MDGA2: variants seen among roughly 807,000 people sequenced by gnomAD.
The protein encoded by MDGA2 is MAM domain containing glycosylphosphatidylinositol anchor 2.
MDGA2 carries 40 observed loss-of-function variants against 117.8 expected under a neutral mutation model. The ratio of observed to expected loss-of-function variants is 0.34; its 90% CI spans 0.26 to 0.44. The LOEUF (loss-of-function observed/expected upper bound fraction) is 0.44. Among genes scored for constraint, MDGA2 ranks in the 20% least tolerant of loss-of-function variants. The pLI is 1.00. For missense variants in MDGA2, 1,123 were observed against 1,250.6 expected, an observed-to-expected ratio of 0.90 and a Z score of 1.54; for synonymous variants, 452 against 439.0, an observed-to-expected ratio of 1.03 and a Z score of -0.37.
Position 47,162,304 on chromosome 14 carries a change from A to G in MDGA2, c.596-18030T>C, listed in dbSNP as rs148000700. 1.7e-4 allele frequency among the ~76,000 whole-genome samples: 26 copies of G among 152,102 alleles called. No homozygotes were observed. In the East Asian group the frequency reaches 2.5e-3, roughly 15 times the overall value. ...TTTTTCCTTCAATCTTTTCTACAGT[A>G]TATATCTTAGACTGTATAATATAAA... On this transcript the variant is annotated intron_variant, in intron 3 of 16. Transcript: ENST00000399232.
intron 3 of MDGA2, among the ~76,000 whole-genome samples, chr14:47,206,081 C>T (rs1885672276): frequency 6.6e-6 from 1 of 151,996 alleles, no homozygotes; most frequent in African/African-American, 2.4e-5. Context: ...AAGAAGATAG[C>T]TAATTTGTAA....
At chr14:47,405,132 G>A (rs376866129) in intron 1 of MDGA2, among the ~76,000 whole-genome samples, 24 of 152,252 alleles carry the variant, frequency 1.6e-4, no homozygotes, top group Middle Eastern at 3.4e-3. Context: ...TTATGCTTAT[G>A]TAAAAATGAT....
chr14:47,268,366 C>T (rs952404009), intron 2 of MDGA2, among the ~76,000 whole-genome samples: 5 of 152,156 alleles, frequency 3.3e-5, no homozygotes, highest in East Asian at 1.9e-4. Context: ...TGAGCCAGTG[C>T]GCCAGGCCCT....
At chr14:47,312,664 C>T (rs571198373) in intron 1 of MDGA2, among the ~76,000 whole-genome samples, 1 of 149,068 alleles carries the variant, frequency 6.7e-6, no homozygotes, top group East Asian at 2.0e-4. Context: ...CCACCATGCC[C>T]AGCTAGTTTT....
chr14:47,390,189 C>A (rs1226454568), intron 1 of MDGA2, among the ~76,000 whole-genome samples: 2 of 152,200 alleles, frequency 1.3e-5, no homozygotes, highest in African/African-American at 4.8e-5. Flanking sequence ...AATAAACTTT[C>A]TCTGTCCTTT....
intron 1 of MDGA2, among the ~76,000 whole-genome samples, chr14:47,547,360 C>T (rs1159715032): frequency 1.3e-5 from 2 of 152,174 alleles, no homozygotes; most frequent in Non-Finnish European, 1.5e-5. Flanking sequence ...ATCCTTGCAC[C>T]TCTATTTTGT....
intron 1 of MDGA2, among the ~76,000 whole-genome samples, chr14:47,590,486 G>A (rs571854786): frequency 6.6e-6 from 1 of 151,680 alleles, no homozygotes; most frequent in South Asian, 2.1e-4. Flanking sequence ...TGAATACTAG[G>A]TACAATTTTT....
At chr14:47,640,732 C>T (rs1897407532) in intron 1 of MDGA2, among the ~76,000 whole-genome samples, 6 of 152,134 alleles carry the variant, frequency 3.9e-5, no homozygotes, top group Admixed American at 3.9e-4. Flanking sequence ...GCTTATCCCT[C>T]TGCACAAAAT....
chr14:47,058,597 C>T lies in MDGA2; in HGVS notation c.1525+2652G>A, dbSNP rs569359294. On this transcript the variant is annotated intron_variant, in intron 7 of 16. Coordinates refer to ENST00000399232, the MANE Select transcript of MDGA2 (RefSeq NM_001113498.3). The stretch of plus-strand genomic sequence containing the variant: ...GAATACACCTATTTTCATATTAAAG[C>T]ACTTTAGTCTTCAATAGTATTGGGA... 16 of 984,802 alleles carry T rather than the reference C, an allele frequency of 1.6e-5. No homozygotes were observed. The East Asian group carries it at 1.7e-3, about 105-fold the overall frequency. The allele number at this position is 984,802 out of a possible 1,614,324, so 61.0% of individuals were successfully genotyped here.
At chr14:47,300,165 G>C (rs181403832) in intron 2 of MDGA2, among the ~76,000 whole-genome samples, 1 of 152,278 alleles carries the variant, frequency 6.6e-6, no homozygotes, top group East Asian at 1.9e-4. Flanking sequence ...AAAATGGTGA[G>C]TTCATAAAAT....
rs137953865 is a variant in MDGA2, at chr14:47,382,513, A to T, written c.281-80963T>A. Among the ~76,000 whole-genome samples, 8 of 152,320 alleles carry T rather than the reference A, an allele frequency of 5.3e-5. No homozygotes were observed. The East Asian group carries it at 1.5e-3, about 29-fold the overall frequency. On this transcript the variant is annotated intron_variant, in intron 1 of 16. Coordinates refer to ENST00000399232, the MANE Select transcript of MDGA2 (RefSeq NM_001113498.3). ...TGACTTAAACAAATTCATAAGAAAA[A>T]ATCAAACAAACCCATCAAAAAGTGG...
At chr14:46,869,628 T>C (rs1881920060) in intron 14 of MDGA2, among the ~76,000 whole-genome samples, 1 of 151,938 alleles carries the variant, frequency 6.6e-6, no homozygotes, top group South Asian at 2.1e-4. Flanking sequence ...GGTCCTAGCA[T>C]GAACACTCTT....
At chr14:47,157,180 T>C (rs962288315) in intron 3 of MDGA2, among the ~76,000 whole-genome samples, 4 of 152,220 alleles carry the variant, frequency 2.6e-5, no homozygotes, top group African/African-American at 4.8e-5. Flanking sequence ...CTTTCCTACA[T>C]AGCAATTTTT....
intron 4 of MDGA2, among the ~76,000 whole-genome samples, chr14:47,132,763 ATAG>A (rs1399083254): frequency 6.6e-6 from 1 of 151,948 alleles, no homozygotes; most frequent in East Asian, 1.9e-4. Flanking sequence ...CAATGATTTT[ATAG>A]TATTAGGGAT....
intron 14 of MDGA2, chr14:46,871,144 ATTATGCGATTTG>A (rs1405386106): frequency 7.7e-6 from 1 of 129,194 alleles, no homozygotes; most frequent in Non-Finnish European, 1.6e-5. Context: ...TGGCTTGGCA[ATTATGCGATTTG>A]TTTCCTTTCA....
At position 46,971,071 on chromosome 14, in the gene MDGA2, A is replaced by G. The variant is rs142963796; in HGVS notation, c.1820-13428T>C. On this transcript the variant is annotated intron_variant, in intron 8 of 16. Coordinates refer to ENST00000399232, the MANE Select transcript of MDGA2 (RefSeq NM_001113498.3). The stretch of plus-strand genomic sequence containing the variant: ...AAAACAAAAACACAAAAAAACAGAT[A>G]CTGGTGAGGATGCAGAGAAAAGACA... Among the ~76,000 whole-genome samples the G allele has an allele frequency of 2.3e-3, 357 of 152,096 alleles. 1 individual carries two copies. Among genetic ancestry groups the G allele is most frequent in the Non-Finnish European group, 4.3e-3 (290 of 67,884 alleles).
At chr14:47,176,201 G>A (rs1415759564) in intron 3 of MDGA2, among the ~76,000 whole-genome samples, 2 of 152,006 alleles carry the variant, frequency 1.3e-5, no homozygotes, top group East Asian at 1.9e-4. Flanking sequence ...GGAAGAATCA[G>A]TATCGTGAAA....
intron 2 of MDGA2, among the ~76,000 whole-genome samples, chr14:47,270,208 T>G (rs1594764331): frequency 6.6e-6 from 1 of 152,308 alleles, no homozygotes; most frequent in East Asian, 1.9e-4. Flanking sequence ...TACCAGACAC[T>G]TAAACACTGT....
At position 47,543,785 on chromosome 14, in the gene MDGA2, T is replaced by C. The variant is rs971909361; in HGVS notation, c.280+130732A>G. Among the ~76,000 whole-genome samples, 11 of 152,338 alleles carry C rather than the reference T, an allele frequency of 7.2e-5. No homozygotes were observed. In the East Asian group the frequency reaches 1.5e-3, roughly 21 times the overall value. On this transcript the variant is annotated intron_variant, in intron 1 of 16. Coordinates refer to ENST00000399232, the MANE Select transcript of MDGA2 (RefSeq NM_001113498.3). ...AGATGCTATCTAAGAGATTAAGCAC[T>C]AAAATATCATTTGGCAAAGTGAAAA...
Sources: allele counts gnomAD v4.1 joint callset (sites outside exome capture counted in the v4.1 genomes callset), GRCh38; gene constraint gnomAD v4.1.1; transcripts MANE v1.5; gene names NCBI Gene and HGNC (gene_info 2026-07-23, HGNC 2026-07-21).